Variants in NAV2 observed in about 807,000 individuals in gnomAD.
NAV2 encodes neuron navigator 2.
A neutral mutation model predicts 223.2 loss-of-function variants in NAV2; 54 were observed. The ratio of observed to expected loss-of-function variants is 0.24; its 90% confidence interval spans 0.19 to 0.30. The LOEUF (loss-of-function observed/expected upper bound fraction) is 0.30. Ranked by LOEUF, NAV2 falls within the 10% of genes least tolerant of loss-of-function variation. NAV2 has a pLI of 1.00. For missense variants in NAV2, 2,806 were observed against 3,147.5 expected (o/e 0.89, Z 2.60); for synonymous variants, 1,279 against 1,239.3 (o/e 1.03, Z -0.67).
At chr11:19,709,778 G>A (rs1322494539), upstream of NAV2, among the ~76,000 whole-genome samples, 1 of 151,632 alleles carries the variant, frequency 6.6e-6, no homozygotes, top group Non-Finnish European at 1.5e-5. Flanking sequence ...GGAAATTAGA[G>A]CAAAACTCGG....
chr11:19,796,821 G>C (rs1170983629), intron 1 of NAV2, among the ~76,000 whole-genome samples: 2 of 152,178 alleles, frequency 1.3e-5, no homozygotes, highest in Non-Finnish European at 2.9e-5. Flanking sequence ...TGGCCTTGCT[G>C]GTACTTGCTG....
chr11:19,873,293 G>T (rs982243801), intron 4 of NAV2, among the ~76,000 whole-genome samples: 1 of 152,132 alleles, frequency 6.6e-6, no homozygotes, highest in African/African-American at 2.4e-5. Context: ...ACAGGATCCG[G>T]TGGTGACCAA....
rs776262098 is a variant in NAV2 at position 20,095,725 on chromosome 11, G to A, written c.5970G>A (p.Thr1990=). 1.1e-5 allele frequency: 17 copies of A among 1,613,986 alleles called. No individual in the cohort carries two copies. Among genetic ancestry groups the A allele is most frequent in the Admixed American group, 6.7e-5 (4 of 59,980 alleles). ...GCTGCATTGGAGTTAGTGGCAAGACGAAGTGGGATGTGCTCGATGGGGTGG... is the reference window on the plus strand; with the variant it reads ...GCTGCATTGGAGTTAGTGGCAAGACAAAGTGGGATGTGCTCGATGGGGTGG... ...LIGCIGVSGK[T]KWDVLDGVVR... Residue 1990 remains threonine, a synonymous_variant, in exon 30 of 38, where the codon ACG becomes ACA. Transcript: ENST00000349880.
chr11:19,981,189 C>G (rs914007979), intron 10 of NAV2: 11 of 152,222 alleles, frequency 7.2e-5, no homozygotes, highest in African/African-American at 2.7e-4. Flanking sequence ...CTTTCCCCTC[C>G]CCTCTGCCAA....
chr11:19,680,904 T>G (rs543459203), intron 1 of NAV2, among the ~76,000 whole-genome samples: 85 of 152,364 alleles, frequency 5.6e-4, no homozygotes, highest in African/African-American at 2.0e-3. Flanking sequence ...CCAAAGCCCA[T>G]GCTTTAGGAA....
intron 1 of NAV2, among the ~76,000 whole-genome samples, chr11:19,454,533 AG>A (rs1388950007): frequency 1.3e-5 from 2 of 152,160 alleles, no homozygotes; most frequent in African/African-American, 4.8e-5. Context: ...CCCTGAGGAC[AG>A]GGATCCTGTT....
chr11:19,962,548 C>T (rs900286766), intron 10 of NAV2, among the ~76,000 whole-genome samples: 11 of 152,156 alleles, frequency 7.2e-5, no homozygotes, highest in African/African-American at 1.9e-4. Context: ...TCAAAGCTAA[C>T]GCACCCTGCC....
chr11:19,499,573 T>C (rs1228882531), intron 1 of NAV2, among the ~76,000 whole-genome samples: 1 of 152,318 alleles, frequency 6.6e-6, no homozygotes, highest in East Asian at 1.9e-4. Context: ...TGGAATGAGA[T>C]AGTTGTATCT....
chr11:19,884,822 G>T (rs2063431434), intron 5 of NAV2, among the ~76,000 whole-genome samples: 1 of 151,950 alleles, frequency 6.6e-6, no homozygotes, highest in African/African-American at 2.4e-5. Flanking sequence ...ACTAATGTGG[G>T]TTTGGTTTTC....
chr11:19,748,159 A>G (rs1288307023), intron 1 of NAV2, among the ~76,000 whole-genome samples: 1 of 152,212 alleles, frequency 6.6e-6, no homozygotes, highest in Non-Finnish European at 1.5e-5. Flanking sequence ...CCTTCAAAGC[A>G]AGTCACAGTC....
intron 1 of NAV2, among the ~76,000 whole-genome samples, chr11:19,824,602 G>A (rs572079386): frequency 2.3e-4 from 35 of 152,328 alleles, no homozygotes; most frequent in African/African-American, 7.2e-4. Flanking sequence ...TTGTAAGGAG[G>A]TGGTTTTTAA....
In NAV2 at chr11:19,371,272, C is replaced by T. The variant is rs954640969; in HGVS notation, c.75+20245C>T. Among the ~76,000 whole-genome samples the T allele has an allele frequency of 3.9e-5, 6 of 152,182 alleles. No homozygotes were observed. The East Asian group carries it at 9.6e-4, about 24-fold the overall frequency. On this transcript the variant is annotated intron_variant, in intron 1 of 37. Transcript: ENST00000360655. Reference sequence around the variant, plus strand: ...TTGATTTTTTTCCACGGGGCAATGCCGTTTGGAGAGAATAAGTGTGGAGGA... The same window carrying T: ...TTGATTTTTTTCCACGGGGCAATGCTGTTTGGAGAGAATAAGTGTGGAGGA...
At chr11:19,682,147 C>T (rs184453400) in intron 1 of NAV2, among the ~76,000 whole-genome samples, 2 of 152,226 alleles carry the variant, frequency 1.3e-5, no homozygotes, top group East Asian at 3.9e-4. Context: ...CCCCATGGTA[C>T]ACCCTACACA....
chr11:19,574,650 G>A (rs1028602661), intron 1 of NAV2, among the ~76,000 whole-genome samples: 7 of 152,172 alleles, frequency 4.6e-5, no homozygotes, highest in African/African-American at 1.7e-4. Flanking sequence ...CCTATTAAGT[G>A]CCAAACATAG....
intron 1 of NAV2, among the ~76,000 whole-genome samples, chr11:19,560,319 C>G (rs150972352): frequency 1.3e-5 from 2 of 152,162 alleles, no homozygotes; most frequent in Non-Finnish European, 2.9e-5. Flanking sequence ...TTCCTGCCTG[C>G]GAGAAAACAA....
Position 20,044,071 on chromosome 11 carries a change from A to G in NAV2, c.2998A>G (p.Ile1000Val). Residue 1000 changes from isoleucine to valine, a missense_variant, in exon 13 of 38, where the codon ATA becomes GTA. This residue lies in a region of NAV2 where 742 missense variants were observed against 777.9 expected (regional missense o/e 0.95). Coordinates refer to ENST00000349880, the MANE Select transcript of NAV2 (RefSeq NM_145117.5). ...KKSDGGSDSG[I>V]KMEPGSKWRR... Reference sequence around the variant, plus strand: ...ATCAGACGGAGGCTCAGACAGCGGCATAAAAATGGAGCCAGGTTCCAAGTG... The same window carrying G: ...ATCAGACGGAGGCTCAGACAGCGGCGTAAAAATGGAGCCAGGTTCCAAGTG... The G allele has an allele frequency of 1.2e-6, 2 of 1,614,232 alleles. No homozygotes were observed. The highest frequency in any genetic ancestry group is 1.7e-6 in the Non-Finnish European group (2 of 1,180,036).
At chr11:19,494,917 A>G (rs2042746332) in intron 1 of NAV2, among the ~76,000 whole-genome samples, 1 of 152,220 alleles carries the variant, frequency 6.6e-6, no homozygotes, top group Non-Finnish European at 1.5e-5. Flanking sequence ...GCTTCTGATT[A>G]GGACTAGGGC....
chr11:19,566,775 C>G (rs2045282600), intron 1 of NAV2, among the ~76,000 whole-genome samples: 1 of 152,204 alleles, frequency 6.6e-6, no homozygotes, highest in Non-Finnish European at 1.5e-5. Flanking sequence ...TACATATGCT[C>G]TGTCCAGCAT....
chr11:20,049,283 G>A, intron 15 of NAV2, 88 bp downstream of exon 15: 1 of 981,848 alleles, frequency 1.0e-6, no homozygotes, highest in Non-Finnish European at 1.5e-6. Flanking sequence ...ATGTCGAATA[G>A]CCTTTGCCTG....
Sources: allele counts gnomAD v4.1 joint callset (sites outside exome capture counted in the v4.1 genomes callset), GRCh38; gene constraint gnomAD v4.1.1; regional missense constraint gnomAD v4.1.1; transcripts MANE v1.5; gene names NCBI Gene and HGNC (gene_info 2026-07-23, HGNC 2026-07-21).